MICU1: variants seen among roughly 807,000 people sequenced by gnomAD.
MICU1 encodes the protein calcium uptake protein 1, mitochondrial.
Under a neutral mutation model 56.8 loss-of-function variants are expected in MICU1, and 45 were observed. That is an observed-to-expected ratio of 0.79 (90% CI 0.62 to 1.02). The LOEUF (loss-of-function observed/expected upper bound fraction) is 1.02, where lower values mean the gene tolerates loss of function less well. MICU1 is among the 50% of genes least tolerant of loss of function. The pLI is 0.00. For missense variants in MICU1, 504 were observed against 587.1 expected, an observed-to-expected ratio of 0.86 and a Z score of 1.46; for synonymous variants, 186 against 195.1, an observed-to-expected ratio of 0.95 and a Z score of 0.39.
chr10:72,402,406 T>A (rs915427527), intron 10 of MICU1, among the ~76,000 whole-genome samples: 25 of 152,208 alleles, frequency 1.6e-4, no homozygotes, highest in African/African-American at 5.3e-4. Flanking sequence ...TATGTTATTT[T>A]AATGTAAATT....
chr10:72,569,206 CATATATATATATATATATAT>C lies in MICU1; in HGVS notation c.-1-2432_-1-2413del, dbSNP rs1211580394. 8.8e-4 allele frequency among the ~76,000 whole-genome samples: 60 copies of C among 68,060 alleles called. 2 individuals are homozygous for C. The highest frequency in any genetic ancestry group is 3.0e-3 in the African/African-American group (48 of 16,228). 44.7% of individuals were successfully genotyped at this position (68,060 alleles called of 152,430 possible). A position where few individuals can be genotyped will look rare whatever the true frequency, so the allele number is the denominator to read the frequency against. ...ATACATTTCTAAAATCATATATATG[CATATATATATATATATATAT>C]ATATATATATATTTTTTTTTTTTTT... On this transcript the variant is annotated intron_variant, in intron 1 of 11. Coordinates refer to ENST00000361114, the MANE Select transcript of MICU1 (RefSeq NM_001195518.2).
At chr10:72,464,295 CAAAAAAA>C (rs58499998) in intron 8 of MICU1, among the ~76,000 whole-genome samples, 256 of 100,002 alleles carry the variant, frequency 2.6e-3, no homozygotes, top group African/African-American at 0.011. Flanking sequence ...GATTCTGTCT[CAAAAAAA>C]AAAAAAAAAA....
intron 8 of MICU1, among the ~76,000 whole-genome samples, chr10:72,457,610 T>C (rs1272324816): frequency 6.6e-6 from 1 of 152,152 alleles, no homozygotes; most frequent in Non-Finnish European, 1.5e-5. Flanking sequence ...CCACATTATC[T>C]TGAACAAGTA....
intron 10 of MICU1, among the ~76,000 whole-genome samples, chr10:72,383,050 T>C (rs1320674682): frequency 1.3e-5 from 2 of 152,198 alleles, no homozygotes; most frequent in Non-Finnish European, 2.9e-5. Context: ...GAGACCAGCC[T>C]GGGCAATAGA....
chr10:72,524,070 G>A, intron 5 of MICU1: 1 of 939,982 alleles, frequency 1.1e-6, no homozygotes, highest in East Asian at 3.7e-5. Context: ...AGTTACTGTT[G>A]TCTCATCAGT....
intron 8 of MICU1, among the ~76,000 whole-genome samples, chr10:72,465,503 CTTTTTTTT>C (rs10586216): frequency 3.8e-4 from 22 of 57,774 alleles, no homozygotes; most frequent in South Asian, 1.1e-3. Flanking sequence ...CTGTTCAGGT[CTTTTTTTT>C]TTTTTTTTTT....
chr10:72,439,421 A>C (rs1295440166), intron 8 of MICU1, among the ~76,000 whole-genome samples: 1 of 152,228 alleles, frequency 6.6e-6, no homozygotes, highest in East Asian at 1.9e-4. Flanking sequence ...AGAGCTATTT[A>C]TGACAAACCC....
intron 1 of MICU1, among the ~76,000 whole-genome samples, chr10:72,599,255 T>C (rs1406394255): frequency 6.6e-6 from 1 of 152,164 alleles, no homozygotes; most frequent in African/African-American, 2.4e-5. Context: ...AACAATGAAG[T>C]ACAATGGACT....
At chr10:72,426,228 C>T (rs540896894) in intron 8 of MICU1, among the ~76,000 whole-genome samples, 1 of 152,152 alleles carries the variant, frequency 6.6e-6, no homozygotes, top group East Asian at 1.9e-4. Context: ...ATATGTTGGC[C>T]AGGCTGGTCT....
At chr10:72,477,423 C>G in intron 6 of MICU1, 167 bp from the exon 7 acceptor site, 1 of 1,304,092 alleles carries the variant, frequency 7.7e-7, no homozygotes, top group South Asian at 1.3e-5. Flanking sequence ...ATTGAGATCA[C>G]CCTTTTAGGA....
chr10:72,383,303 T>G (rs968409790), intron 10 of MICU1, among the ~76,000 whole-genome samples: 2 of 151,954 alleles, frequency 1.3e-5, no homozygotes, highest in African/African-American at 2.4e-5. Flanking sequence ...GCTTCAAAAT[T>G]TGAATGGTAC....
At chr10:72,606,846 T>C (rs761778245) in intron 1 of MICU1, among the ~76,000 whole-genome samples, 10 of 152,114 alleles carry the variant, frequency 6.6e-5, no homozygotes, top group African/African-American at 1.7e-4. Flanking sequence ...AGACTGAAGA[T>C]TGAGCACATT....
At chr10:72,379,054 G>A (rs531317638) in intron 10 of MICU1, among the ~76,000 whole-genome samples, 3 of 152,300 alleles carry the variant, frequency 2.0e-5, no homozygotes, top group East Asian at 1.9e-4. Flanking sequence ...AGACTATAGC[G>A]CTCTAGAGTT....
intron 5 of MICU1, among the ~76,000 whole-genome samples, chr10:72,511,787 TAC>T (rs1867458047): frequency 6.6e-6 from 1 of 152,182 alleles, no homozygotes. Context: ...GCTGTGATAA[TAC>T]ACTTTTCTGA....
At chr10:72,498,902 C>A (rs747414009) in intron 6 of MICU1, among the ~76,000 whole-genome samples, 2 of 152,110 alleles carry the variant, frequency 1.3e-5, no homozygotes, top group Non-Finnish European at 2.9e-5. Flanking sequence ...AGAGCATAGC[C>A]CCATCTTGAC....
intron 11 of MICU1, among the ~76,000 whole-genome samples, chr10:72,374,880 G>A (rs1470053239): frequency 1.5e-5 from 2 of 133,414 alleles, no homozygotes; most frequent in African/African-American, 2.8e-5. Context: ...GTTGTGGCAC[G>A]ATCTCTGCTC....
At chr10:72,600,648 C>A (rs1163764107) in intron 1 of MICU1, among the ~76,000 whole-genome samples, 1,625 of 104,876 alleles carry the variant, frequency 0.015, no homozygotes, top group East Asian at 0.08. Context: ...GACTCCGTCT[C>A]AAAAAAAAAA....
At chr10:72,614,701 G>T (rs1467681975) in intron 1 of MICU1, among the ~76,000 whole-genome samples, 3 of 152,318 alleles carry the variant, frequency 2.0e-5, no homozygotes, top group Non-Finnish European at 4.4e-5. Context: ...CTTACATGAG[G>T]CACCTAGCAT....
chr10:72,553,610 T>A (rs1840090697), intron 3 of MICU1, among the ~76,000 whole-genome samples: 3 of 152,166 alleles, frequency 2.0e-5, no homozygotes, highest in African/African-American at 7.2e-5. Context: ...CCATTCGGAA[T>A]GTTTGGGGTA....
Sources: gnomAD v4.1 joint callset for allele counts (sites outside exome capture counted in the v4.1 genomes callset) on GRCh38, gnomAD v4.1.1 for gene constraint, MANE v1.5 for transcripts, NCBI Gene and HGNC (gene_info 2026-07-23, HGNC 2026-07-21) for gene names.